SLC24A1: variants seen among roughly 807,000 people sequenced by gnomAD.
The protein encoded by SLC24A1 is solute carrier family 24 member 1.
SLC24A1 carries 52 observed loss-of-function variants against 88.1 expected under a neutral mutation model. That is an observed-to-expected ratio of 0.59 (90% CI 0.47 to 0.74). The LOEUF is 0.74. Among genes scored for constraint, SLC24A1 ranks in the 30% least tolerant of loss-of-function variants. SLC24A1 has a pLI of 0.00. For missense variants in SLC24A1, 1,173 were observed against 1,363.3 expected, an observed-to-expected ratio of 0.86 and a Z score of 2.20; for synonymous variants, 455 against 498.0, an observed-to-expected ratio of 0.91 and a Z score of 1.15.
At chr15:65,618,262 T>C (rs959169060), upstream of SLC24A1, among the ~76,000 whole-genome samples, 7 of 152,204 alleles carry the variant, frequency 4.6e-5, no homozygotes, top group African/African-American at 1.7e-4. Flanking sequence ...ATAGACTATA[T>C]GATATAACAT....
At chr15:65,622,886 C>T in intron 1 of SLC24A1, among the ~76,000 whole-genome samples, 1 of 152,010 alleles carries the variant, frequency 6.6e-6, no homozygotes, top group East Asian at 1.9e-4. Context: ...GGATTACAGG[C>T]ATGCACCACC....
chr15:65,660,280 G>T, downstream of SLC24A1: 2 of 1,534,698 alleles, frequency 1.3e-6, no homozygotes, highest in African/African-American at 2.7e-5. Flanking sequence ...ATTTCCCAGA[G>T]TTGGAAGCTG....
At chr15:65,634,018 T>C (rs2074821786) in intron 2 of SLC24A1, among the ~76,000 whole-genome samples, 2 of 151,974 alleles carry the variant, frequency 1.3e-5, no homozygotes, top group Admixed American at 6.5e-5. Flanking sequence ...TGACAGCTAA[T>C]TGGGTGTGGG....
chr15:65,654,687 T>G lies in SLC24A1; in HGVS notation c.*608T>G, dbSNP rs2075616994. The G allele has an allele frequency of 7.9e-7, 1 of 1,272,172 alleles. No homozygotes were observed. 78.8% of individuals were successfully genotyped at this position (1,272,172 alleles called of 1,614,324 possible). A position where few individuals can be genotyped will look rare whatever the true frequency, so the allele number is the denominator to read the frequency against. On this transcript the variant is annotated 3_prime_UTR_variant, in exon 10 of 10. Transcript: ENST00000261892. ...TCCACGTTTTGTAGCCCACTGCATC[T>G]GGATATATACCAGTATTTTCTTTTT...
In SLC24A1 at chr15:65,650,923, T is replaced by G. The variant is rs935125468; in HGVS notation, c.2774T>G (p.Val925Gly). Residue 925 changes from valine (V) to glycine (G), a missense_variant, in exon 7 of 10, where the codon GTC becomes GGC. Coordinates refer to ENST00000261892, the MANE Select transcript of SLC24A1 (RefSeq NM_004727.3). The surrounding 1 kb of genome is among the most constrained non-coding windows in gnomAD (Gnocchi z 4.1). ...LPIVFPLWLTVPDVRRQESRK... is the reference protein window; with the variant it reads ...LPIVFPLWLTGPDVRRQESRK... ...ATCGTGTTCCCACTGTGGCTGACAG[T>G]CCCCGACGTCCGAAGGCAGGTGAGT... 1 of 1,613,678 alleles carries G rather than the reference T, an allele frequency of 6.2e-7. No individual in the cohort carries two copies. The highest frequency in any genetic ancestry group is 8.5e-7 in the Non-Finnish European group (1 of 1,179,844).
intron 3 of SLC24A1, among the ~76,000 whole-genome samples, 186 bp downstream of exon 3, chr15:65,638,367 G>A (rs1180352460): frequency 1.3e-5 from 2 of 152,148 alleles, no homozygotes; most frequent in African/African-American, 4.8e-5. Flanking sequence ...CTCACCTCTA[G>A]ATGGCCTTTG....
intron 2 of SLC24A1, among the ~76,000 whole-genome samples, chr15:65,635,307 C>T (rs2074880594): frequency 6.6e-6 from 1 of 151,904 alleles, no homozygotes; most frequent in African/African-American, 2.4e-5. Context: ...TGGTGAAACC[C>T]AGTCTCTACT....
At chr15:65,660,197 G>T, downstream of SLC24A1, 1 of 972,268 alleles carries the variant, frequency 1.0e-6, no homozygotes. Context: ...TATGTGCCTA[G>T]CACCAGATTT....
At chr15:65,618,318 C>G (rs2074215708), upstream of SLC24A1, among the ~76,000 whole-genome samples, 1 of 152,116 alleles carries the variant, frequency 6.6e-6, no homozygotes, top group South Asian at 2.1e-4. Context: ...ATATACTGTT[C>G]TGCATCTTGC....
At chr15:65,630,499 T>C (rs918606414) in intron 2 of SLC24A1, among the ~76,000 whole-genome samples, 5 of 151,772 alleles carry the variant, frequency 3.3e-5, no homozygotes, top group African/African-American at 1.2e-4. Context: ...CCTGCCTCTG[T>C]GGGTCCTGCC....
intron 4 of SLC24A1, among the ~76,000 whole-genome samples, chr15:65,642,128 T>C (rs531759731): frequency 2.6e-5 from 4 of 152,136 alleles, no homozygotes; most frequent in Non-Finnish European, 5.9e-5. Flanking sequence ...AGATGACATA[T>C]GGGAGGGGTG....
chr15:65,636,557 G>A (rs904079409), intron 2 of SLC24A1, among the ~76,000 whole-genome samples: 7 of 151,852 alleles, frequency 4.6e-5, no homozygotes, highest in African/African-American at 1.7e-4. Context: ...ACTCCAGCCT[G>A]GGCAACAGAG....
At position 65,651,684 on chromosome 15, in the gene SLC24A1, T is replaced by C; in HGVS notation, c.2808T>C (p.Phe936=). The C allele has an allele frequency of 6.2e-7, 1 of 1,601,394 alleles. No individual in the cohort carries two copies. The highest frequency in any genetic ancestry group is 8.6e-7 in the Non-Finnish European group (1 of 1,168,706). ...PDVRRQESRK[F]FVFTFLGSIM... is the part of the protein sequence containing the mutation. ...CTTTCAAACAGGAGTCTAGGAAGTT[T>C]TTTGTTTTCACCTTCCTGGGATCTA... Residue 936 remains phenylalanine (F), a synonymous_variant, in exon 8 of 10, where the codon TTT becomes TTC. Transcript: ENST00000261892.
At chr15:65,642,747 T>C (rs537167354) in intron 4 of SLC24A1, among the ~76,000 whole-genome samples, 3 of 152,286 alleles carry the variant, frequency 2.0e-5, no homozygotes, top group Non-Finnish European at 2.9e-5. Context: ...ATGGAGCTTA[T>C]TGCCAGAGCC....
At chr15:65,630,831 C>T (rs62013127) in intron 2 of SLC24A1, among the ~76,000 whole-genome samples, 9,513 of 151,914 alleles carry the variant, frequency 0.063, 316 homozygotes, top group African/African-American at 0.091. Context: ...ATTTGCCAGG[C>T]GTGGTGGCAC....
In SLC24A1 at chr15:65,614,748, C is replaced by T. The variant is rs181199379; in HGVS notation, c.-228+2135C>T. Among the ~76,000 whole-genome samples the T allele has an allele frequency of 7.1e-3, 1,076 of 152,264 alleles. 9 individuals carry two copies. The highest frequency in any genetic ancestry group is 8.7e-3 in the Non-Finnish European group (591 of 68,024). Reference sequence around the variant, plus strand: ...TGAAAATAGGGTGAGCTTTATCCATCACTGGATCCCCCAGGGTCTGGCATG... The same window carrying T: ...TGAAAATAGGGTGAGCTTTATCCATTACTGGATCCCCCAGGGTCTGGCATG... On this transcript the variant is annotated intron_variant, in intron 2 of 11. Transcript: ENST00000537259.
intron 6 of SLC24A1, among the ~76,000 whole-genome samples, chr15:65,649,245 G>A (rs1480879280): frequency 3.9e-5 from 6 of 151,992 alleles, no homozygotes; most frequent in African/African-American, 1.2e-4. Context: ...GATTACAGGC[G>A]CCTGCCACCG....
At chr15:65,632,609 A>AC (rs1454873659) in intron 2 of SLC24A1, among the ~76,000 whole-genome samples, 4 of 152,188 alleles carry the variant, frequency 2.6e-5, no homozygotes, top group African/African-American at 7.2e-5. Flanking sequence ...GCTACTCTGA[A>AC]AGACAGATAG....
At chr15:65,636,790 C>T (rs925492995) in intron 2 of SLC24A1, among the ~76,000 whole-genome samples, 2 of 151,714 alleles carry the variant, frequency 1.3e-5, no homozygotes, top group African/African-American at 4.8e-5. Flanking sequence ...GCAGGAGAAT[C>T]GCTTGAACCC....
Sources: gnomAD v4.1 joint callset for allele counts (sites outside exome capture counted in the v4.1 genomes callset) on GRCh38, gnomAD v4.1.1 for gene constraint, Gnocchi (gnomAD v3.1) non-coding constraint, MANE v1.5 for transcripts, NCBI Gene and HGNC (gene_info 2026-07-23, HGNC 2026-07-21) for gene names.